Variants in POF1B observed in about 807,000 individuals in gnomAD.
The protein encoded by POF1B is protein POF1B.
In POF1B, 53 loss-of-function variants were observed where a neutral mutation model predicts 55.3. The ratio of observed to expected loss-of-function variants is 0.96; its 90% confidence interval spans 0.77 to 1.20. POF1B has a LOEUF of 1.20. Among genes scored for constraint, POF1B ranks in the 50% most tolerant of loss-of-function variants. The pLI, the probability that POF1B is intolerant of heterozygous loss-of-function variation, is 0.00. For missense variants in POF1B, 478 were observed against 420.5 expected (o/e 1.14, Z -1.20); for synonymous variants, 188 against 148.3 (o/e 1.27, Z -1.95).
chrX:85,285,918 G>A (rs1455939129), intron 15 of POF1B, among the ~76,000 whole-genome samples: 1 of 110,532 alleles, frequency 9.0e-6, no homozygotes, highest in Non-Finnish European at 1.9e-5. Flanking sequence ...GTCTTCACCA[G>A]AGAAGCATGA....
At chrX:85,288,073 C>T (rs1371297725) in intron 15 of POF1B, among the ~76,000 whole-genome samples, 1 of 111,666 alleles carries the variant, frequency 9.0e-6, no homozygotes, top group Non-Finnish European at 1.9e-5. Flanking sequence ...AATGATTTCA[C>T]TGGTGAAAAT....
chrX:85,315,912 ATT>A (rs936475012), intron 7 of POF1B, among the ~76,000 whole-genome samples, 178 bp from the exon 8 acceptor site: 1 of 110,657 alleles, frequency 9.0e-6, no homozygotes, highest in East Asian at 2.8e-4. Flanking sequence ...GTTTGACTAA[ATT>A]TTTTTTTCTG....
chrX:85,361,145 T>C (rs1252245272), intron 3 of POF1B, among the ~76,000 whole-genome samples: 1 of 112,036 alleles, frequency 8.9e-6, no homozygotes, highest in Admixed American at 9.5e-5. Context: ...AAATGTGTAG[T>C]TGACAAATAT....
chrX:85,282,513 A>T (rs943165843), intron 15 of POF1B, among the ~76,000 whole-genome samples, 196 bp from the exon 16 acceptor site: 1 of 111,587 alleles, frequency 9.0e-6, no homozygotes, highest in African/African-American at 3.3e-5. Flanking sequence ...TTTCAAGAAA[A>T]TAAAATAGAG....
At chrX:85,298,412 A>G (rs1932358894) in intron 15 of POF1B, among the ~76,000 whole-genome samples, 1 of 111,431 alleles carries the variant, frequency 9.0e-6, no homozygotes, top group Non-Finnish European at 1.9e-5. Flanking sequence ...CCAGAGGTAC[A>G]TGGTGAAAGT....
chrX:85,283,618 G>A (rs1296754160), intron 15 of POF1B, among the ~76,000 whole-genome samples: 3 of 110,443 alleles, frequency 2.7e-5, no homozygotes, highest in Non-Finnish European at 3.8e-5. Flanking sequence ...TGCAGGATTG[G>A]TGGTGGAAAA....
chrX:85,306,029 AG>A (rs1932565873), intron 12 of POF1B, 119 bp from the exon 13 acceptor site: 1 of 980,480 alleles, frequency 1.0e-6, no homozygotes, highest in Admixed American at 3.1e-5. Context: ...AAATAATGAA[AG>A]TGATTTTCAG....
rs944135744 is a variant in POF1B, at chrX:85,282,262, G to T, written c.1705C>A (p.Pro569Thr). The T allele has an allele frequency of 4.2e-6, 5 of 1,190,820 alleles. No homozygotes were observed. Among genetic ancestry groups the T allele is most frequent in the African/African-American group, 1.8e-5 (1 of 56,198 alleles). Residue 569 changes from proline (P) to threonine (T), a missense_variant, in exon 16 of 17, where the codon CCA (proline) becomes ACA (threonine). Coordinates refer to ENST00000262753, the MANE Select transcript of POF1B (RefSeq NM_024921.4). ...GLLYDDYEYI[P>T]PGSETQTIVI... ...ATAGTCTGTGTTTCACTACCTGGTG[G>T]TATATATTCGTAGTCATCATATAGG...
chrX:85,360,254 C>A (rs1933580695), intron 3 of POF1B, among the ~76,000 whole-genome samples: 1 of 107,052 alleles, frequency 9.3e-6, no homozygotes, highest in Non-Finnish European at 1.9e-5. Flanking sequence ...TATGTCATCA[C>A]CCATGGACTA....
intron 5 of POF1B, among the ~76,000 whole-genome samples, chrX:85,348,933 C>A (rs191975545): frequency 9.0e-6 from 1 of 111,263 alleles, no homozygotes; most frequent in African/African-American, 3.2e-5. Flanking sequence ...CTATTTAAAA[C>A]GTGTCAAACT....
At chrX:85,285,464 T>C (rs1273310867) in intron 15 of POF1B, among the ~76,000 whole-genome samples, 1 of 110,769 alleles carries the variant, frequency 9.0e-6, no homozygotes, top group Admixed American at 9.6e-5. Flanking sequence ...TGGAATACTA[T>C]GCAGCCATAA....
In POF1B at chrX:85,352,510, T is replaced by C. The variant is rs142893331; in HGVS notation, c.439-1059A>G. 3.0e-4 allele frequency among the ~76,000 whole-genome samples: 33 copies of C among 111,696 alleles called. No individual in the cohort carries two copies. The South Asian group carries it at 5.5e-3, about 18-fold the overall frequency. On this transcript the variant is annotated intron_variant, in intron 4 of 16. Transcript: ENST00000262753. ...TCTTGAATCAAAAGTTATATACTTA[T>C]TGTATTCAAGTTTGAGCAAAAGGTG...
In POF1B at chrX:85,367,750, G is replaced by T; in HGVS notation, c.299C>A (p.Thr100Asn). 8.7e-7 allele frequency: 1 copy of T among 1,151,469 alleles called. No homozygotes were observed. Among genetic ancestry groups the T allele is most frequent in the Non-Finnish European group, 1.2e-6 (1 of 858,966 alleles). 94.9% of individuals were successfully genotyped at this position (1,151,469 alleles called of 1,213,427 possible). Residue 100 changes from threonine to asparagine, a missense_variant, in exon 3 of 17, where the codon ACT (threonine) becomes AAT (asparagine). Transcript: ENST00000262753. The stretch of plus-strand genomic sequence containing the variant: ...TGGGGCACATGTAGATATTTTTAAA[G>T]TTGGAGAATGGAGTTCCTGTTAAGA... ...SDHSQELHSP[T>N]LKISTCAPST...
chrX:85,281,001 T>C (rs1452625777), intron 16 of POF1B, among the ~76,000 whole-genome samples: 1 of 110,521 alleles, frequency 9.0e-6, no homozygotes, highest in African/African-American at 3.3e-5. Context: ...CCTCTGGTTG[T>C]GAAAACCAAA....
At chrX:85,347,567 C>T (rs964162809) in intron 5 of POF1B, among the ~76,000 whole-genome samples, 2 of 110,816 alleles carry the variant, frequency 1.8e-5, no homozygotes, top group African/African-American at 6.5e-5. Context: ...CACTGTATAC[C>T]TTTTAATGCT....
chrX:85,358,767 CTTA>C (rs1361094779), intron 4 of POF1B, among the ~76,000 whole-genome samples: 1 of 110,737 alleles, frequency 9.0e-6, no homozygotes, highest in African/African-American at 3.3e-5. Context: ...GAAGGCTCAG[CTTA>C]TTATAAATAT....
chrX:85,368,834 T>C (rs749092817), intron 2 of POF1B, among the ~76,000 whole-genome samples: 1 of 111,625 alleles, frequency 9.0e-6, no homozygotes, highest in African/African-American at 3.2e-5. Flanking sequence ...CGTTACTCAA[T>C]CTCCCCATAC....
At chrX:85,360,382 C>T (rs1196898339) in intron 3 of POF1B, among the ~76,000 whole-genome samples, 1 of 105,417 alleles carries the variant, frequency 9.5e-6, no homozygotes, top group African/African-American at 3.5e-5. Context: ...CATTATTTAG[C>T]TCCCACTTAT....
chrX:85,290,763 G>A (rs752864255), intron 15 of POF1B, among the ~76,000 whole-genome samples: 35 of 111,938 alleles, frequency 3.1e-4, no homozygotes, highest in African/African-American at 9.7e-4. Context: ...TTTGAGAAGT[G>A]TATGTTCATA....
Sources: gnomAD v4.1 joint callset for allele counts (sites outside exome capture counted in the v4.1 genomes callset) on GRCh38, gnomAD v4.1.1 for gene constraint, MANE v1.5 for transcripts, NCBI Gene and HGNC (gene_info 2026-07-23, HGNC 2026-07-21) for gene names.